The following KIAA1671 variants were observed in gnomAD, a reference collection of about 807,000 sequenced individuals.
KIAA1671 encodes uncharacterized protein KIAA1671.
In KIAA1671, 52 loss-of-function variants were observed where a neutral mutation model predicts 131.2. That is an observed-to-expected ratio of 0.40 (90% confidence interval 0.32 to 0.50). KIAA1671 has a LOEUF of 0.50. Among genes scored for constraint, KIAA1671 ranks in the 20% least tolerant of loss-of-function variants. KIAA1671 has a pLI of 0.73. For missense variants in KIAA1671, 2,360 were observed against 2,364.2 expected (o/e 1.00, Z 0.04); for synonymous variants, 1,003 against 961.6 (o/e 1.04, Z -0.80).
intron 1 of KIAA1671, among the ~76,000 whole-genome samples, chr22:25,022,329 A>C (rs2123893043): frequency 6.6e-6 from 1 of 152,286 alleles, no homozygotes; most frequent in South Asian, 2.1e-4. Context: ...TCTGGGAGAA[A>C]AGCTGCCAAA....
In KIAA1671 at chr22:25,029,211, A is replaced by C; in HGVS notation, c.1212A>C (p.Ser404=). 6.9e-7 allele frequency: 1 copy of C among 1,459,546 alleles called. No homozygotes were observed. Among genetic ancestry groups the C allele is most frequent in the Non-Finnish European group, 9.1e-7 (1 of 1,102,440 alleles). The allele number at this position is 1,459,546 out of a possible 1,614,324, so 90.4% of individuals were successfully genotyped here. A position where few individuals can be genotyped will look rare whatever the true frequency, so the allele number is the denominator to read the frequency against. ...PEPEKAAESP[S]PRLGRGLELA... ...CAGAGAAGGCTGCTGAGTCCCCCTCACCCAGGCTGGGAAGGGGCCTAGAAC... is the reference window on the plus strand; with the variant it reads ...CAGAGAAGGCTGCTGAGTCCCCCTCCCCCAGGCTGGGAAGGGGCCTAGAAC... Residue 404 remains serine (S), a synonymous_variant, in exon 3 of 13, where the codon TCA becomes TCC. Coordinates refer to ENST00000358431, the MANE Select transcript of KIAA1671 (RefSeq NM_001145206.2).
At chr22:25,125,260 A>C (rs1932125970) in intron 6 of KIAA1671, among the ~76,000 whole-genome samples, 1 of 152,218 alleles carries the variant, frequency 6.6e-6, no homozygotes, top group Non-Finnish European at 1.5e-5. Context: ...TTAAGGCTTA[A>C]AGAGTAACAT....
chr22:24,986,589 T>C (rs1396482125), intron 1 of KIAA1671, among the ~76,000 whole-genome samples: 1 of 151,208 alleles, frequency 6.6e-6, no homozygotes, highest in Non-Finnish European at 1.5e-5. Context: ...GTAGAACCCA[T>C]GGATACAGAG....
At chr22:24,967,418 C>A (rs1217111624) in intron 1 of KIAA1671, among the ~76,000 whole-genome samples, 2 of 152,234 alleles carry the variant, frequency 1.3e-5, no homozygotes, top group East Asian at 3.9e-4. Flanking sequence ...AGCTCTGACT[C>A]CATCAGAAAT....
At chr22:24,974,326 C>T (rs918266086) in intron 1 of KIAA1671, among the ~76,000 whole-genome samples, 6 of 152,054 alleles carry the variant, frequency 3.9e-5, no homozygotes, top group South Asian at 2.1e-4. Flanking sequence ...CCAATGCTAC[C>T]GTTTGTTAAC....
chr22:25,038,428 C>T (rs935677708), intron 4 of KIAA1671, among the ~76,000 whole-genome samples: 60 of 152,346 alleles, frequency 3.9e-4, no homozygotes, highest in African/African-American at 1.1e-3. Context: ...CTTGCACCAA[C>T]GGTGCTGTCT....
At chr22:25,144,511 A>G (rs1601353504) in intron 6 of KIAA1671, among the ~76,000 whole-genome samples, 1 of 152,324 alleles carries the variant, frequency 6.6e-6, no homozygotes, top group African/African-American at 2.4e-5. Flanking sequence ...TATTGAGGCC[A>G]CAGGACAAAC....
chr22:25,133,702 C>G (rs1394029613), intron 6 of KIAA1671, among the ~76,000 whole-genome samples: 3 of 152,100 alleles, frequency 2.0e-5, no homozygotes, highest in Non-Finnish European at 4.4e-5. Context: ...ACCATGGTGC[C>G]TGGCTAATTA....
At chr22:25,032,251 G>T (rs1267421765) in intron 3 of KIAA1671, among the ~76,000 whole-genome samples, 2 of 152,230 alleles carry the variant, frequency 1.3e-5, no homozygotes, top group Non-Finnish European at 2.9e-5. Context: ...GTAGCTATTA[G>T]GGCCTTGAGT....
chr22:24,995,427 A>G (rs1924082665), intron 1 of KIAA1671, among the ~76,000 whole-genome samples: 1 of 148,194 alleles, frequency 6.7e-6, no homozygotes, highest in South Asian at 2.2e-4. Flanking sequence ...TGCAGTCATG[A>G]CTCACTGCAG....
intron 6 of KIAA1671, among the ~76,000 whole-genome samples, chr22:25,093,068 C>T (rs1478178383): frequency 1.3e-5 from 2 of 152,112 alleles, no homozygotes; most frequent in East Asian, 1.9e-4. Context: ...TAAGTCCAGC[C>T]GGCAAGTGAC....
chr22:25,124,771 T>C (rs1181261068), intron 6 of KIAA1671, among the ~76,000 whole-genome samples: 1 of 152,130 alleles, frequency 6.6e-6, no homozygotes, highest in East Asian at 1.9e-4. Flanking sequence ...TGTGTGTTTG[T>C]TTTGAGAGAG....
intron 1 of KIAA1671, among the ~76,000 whole-genome samples, chr22:25,017,988 C>G (rs1277628594): frequency 6.6e-6 from 1 of 152,030 alleles, no homozygotes; most frequent in African/African-American, 2.4e-5. Context: ...GCCTTTGGGC[C>G]TTTGCATATG....
At chr22:25,126,462 G>A (rs1367500982) in intron 6 of KIAA1671, among the ~76,000 whole-genome samples, 1 of 152,176 alleles carries the variant, frequency 6.6e-6, no homozygotes, top group South Asian at 2.1e-4. Flanking sequence ...TTTGAAGAGC[G>A]TACAAAGGTA....
At chr22:25,019,715 A>G (rs1925558071) in intron 1 of KIAA1671, among the ~76,000 whole-genome samples, 3 of 151,378 alleles carry the variant, frequency 2.0e-5, no homozygotes, top group South Asian at 4.2e-4. Flanking sequence ...TGCTTCCCCT[A>G]CCAATTATCC....
At chr22:25,043,732 G>A (rs1927067737) in intron 5 of KIAA1671, among the ~76,000 whole-genome samples, 1 of 152,140 alleles carries the variant, frequency 6.6e-6, no homozygotes, top group African/African-American at 2.4e-5. Flanking sequence ...GGCTGATGAG[G>A]GGAGGTGAGG....
intron 6 of KIAA1671, among the ~76,000 whole-genome samples, chr22:25,095,381 G>A (rs1422007508): frequency 6.6e-6 from 1 of 152,254 alleles, no homozygotes; most frequent in East Asian, 1.9e-4. Context: ...GCCGGGCACT[G>A]TGGCTCACGC....
intron 11 of KIAA1671, among the ~76,000 whole-genome samples, chr22:25,186,628 G>A (rs1012894853): frequency 6.6e-6 from 1 of 152,184 alleles, no homozygotes; most frequent in Non-Finnish European, 1.5e-5. Context: ...CCAAGAGAAG[G>A]AGATACTTGA....
At chr22:25,112,960 T>C (rs1931443435) in intron 6 of KIAA1671, among the ~76,000 whole-genome samples, 1 of 152,082 alleles carries the variant, frequency 6.6e-6, no homozygotes, top group Admixed American at 6.5e-5. Context: ...TGGGCGAGTT[T>C]GCCCGCTGGC....
Sources: allele counts gnomAD v4.1 joint callset (sites outside exome capture counted in the v4.1 genomes callset), GRCh38; gene constraint gnomAD v4.1.1; transcripts MANE v1.5; gene names NCBI Gene and HGNC (gene_info 2026-07-23, HGNC 2026-07-21).